Variants in R3HDM2 observed in about 807,000 individuals in gnomAD.
R3HDM2 encodes R3H domain-containing protein 2.
R3HDM2 carries 38 observed loss-of-function variants against 124.5 expected under a neutral mutation model. That is an observed-to-expected ratio of 0.31 (90% CI 0.24 to 0.40). The LOEUF (loss-of-function observed/expected upper bound fraction) is 0.40. Ranked by LOEUF, R3HDM2 falls within the 10% of genes least tolerant of loss-of-function variation. The probability of loss-of-function intolerance (pLI) is 1.00; values close to 1 mark genes in which losing one functional copy is unlikely to be tolerated. For missense variants in R3HDM2, 869 were observed against 1,236.9 expected (o/e 0.70, Z 4.46); for synonymous variants, 391 against 448.0 (o/e 0.87, Z 1.61).
chr12:57,343,144 T>C (rs899956212), intron 2 of R3HDM2, among the ~76,000 whole-genome samples: 3 of 151,268 alleles, frequency 2.0e-5, no homozygotes, highest in Non-Finnish European at 4.4e-5. Context: ...AAAGTATACA[T>C]GGCTCTGGAA....
At position 57,430,894 on chromosome 12, in the gene R3HDM2, G is replaced by C. The variant is rs1186781938; in HGVS notation, c.-280C>G. On this transcript the variant is annotated 5_prime_UTR_variant, in exon 1 of 24. Transcript: ENST00000402412. ...CTGGGAAGCAGGGGGGACTGGGACG[G>C]GGGAGGGGAAAGGGGCTTGGGAAGG... 1 of 148,824 alleles carries C rather than the reference G, an allele frequency of 6.7e-6. No homozygotes were observed. Among genetic ancestry groups the C allele is most frequent in the East Asian group, 2.0e-4 (1 of 4,990 alleles). 9.2% of individuals were successfully genotyped at this position (148,824 alleles called of 1,614,324 possible).
intron 3 of R3HDM2, among the ~76,000 whole-genome samples, chr12:57,306,043 G>T (rs1356908584): frequency 3.3e-5 from 5 of 152,214 alleles, no homozygotes; most frequent in African/African-American, 4.8e-5. Context: ...ATGTTGGTAG[G>T]GGTAGGAGTT....
At chr12:57,301,626 G>A (rs1413204964) in intron 4 of R3HDM2, among the ~76,000 whole-genome samples, 16 of 152,254 alleles carry the variant, frequency 1.1e-4, no homozygotes, top group Admixed American at 6.5e-5. Context: ...CCTTTGTTTT[G>A]AACTTTAACA....
intron 2 of R3HDM2, among the ~76,000 whole-genome samples, chr12:57,385,320 C>G (rs1225289107): frequency 6.7e-6 from 1 of 148,344 alleles, no homozygotes; most frequent in Non-Finnish European, 1.5e-5. Flanking sequence ...TGGCTCACTG[C>G]AAGCTCTACC....
intron 2 of R3HDM2, among the ~76,000 whole-genome samples, chr12:57,321,083 A>G (rs941452198): frequency 5.9e-5 from 9 of 152,190 alleles, no homozygotes; most frequent in Admixed American, 5.9e-4. Context: ...TAATAATAAA[A>G]AAGACTGAAC....
intron 2 of R3HDM2, among the ~76,000 whole-genome samples, chr12:57,392,095 G>A (rs2066776736): frequency 6.6e-6 from 1 of 152,174 alleles, no homozygotes; most frequent in Non-Finnish European, 1.5e-5. Context: ...CCTGGGAGGT[G>A]GAGGTTGCAG....
At chr12:57,430,489 G>GGCC in intron 1 of R3HDM2, 194 of 790,390 alleles carry the variant, frequency 2.5e-4, no homozygotes, top group Non-Finnish European at 2.7e-4. Flanking sequence ...CCACCCCCCT[G>GGCC]CCCCCGCACC....
At chr12:57,373,482 G>A (rs1433571641) in intron 2 of R3HDM2, among the ~76,000 whole-genome samples, 1 of 151,368 alleles carries the variant, frequency 6.6e-6, no homozygotes, top group African/African-American at 2.4e-5. Flanking sequence ...CTGGGTGACA[G>A]AGCAAGACTC....
intron 2 of R3HDM2, among the ~76,000 whole-genome samples, chr12:57,373,315 A>T (rs1395714804): frequency 1.3e-5 from 2 of 151,970 alleles, no homozygotes; most frequent in Non-Finnish European, 2.9e-5. Flanking sequence ...CCTGGCTAGC[A>T]TGGTGAAACC....
At chr12:57,272,479 C>T in intron 14 of R3HDM2, 2 of 1,550,632 alleles carry the variant, frequency 1.3e-6, no homozygotes, top group Non-Finnish European at 1.7e-6. Context: ...GGCGGAGAGA[C>T]TGGCAGAAGG....
At chr12:57,293,679 C>T (rs2049113043) in intron 10 of R3HDM2, among the ~76,000 whole-genome samples, 1 of 152,150 alleles carries the variant, frequency 6.6e-6, no homozygotes, top group Non-Finnish European at 1.5e-5. Context: ...ATGAATATCA[C>T]CAGATTATAA....
chr12:57,387,965 A>ATT (rs113022653), intron 2 of R3HDM2, among the ~76,000 whole-genome samples: 67 of 85,534 alleles, frequency 7.8e-4, no homozygotes, highest in East Asian at 1.2e-3. Context: ...AGACAAAAAA[A>ATT]ATTTTTTTTT....
chr12:57,392,286 T>C (rs566283085), intron 2 of R3HDM2, among the ~76,000 whole-genome samples: 1 of 152,334 alleles, frequency 6.6e-6, no homozygotes, highest in Non-Finnish European at 1.5e-5. Flanking sequence ...AGGACCAGTT[T>C]TGTTGAAGAC....
chr12:57,323,085 C>T (rs528783406), intron 2 of R3HDM2, among the ~76,000 whole-genome samples: 7 of 152,138 alleles, frequency 4.6e-5, no homozygotes, highest in Non-Finnish European at 1.0e-4. Flanking sequence ...ATAAAGATAT[C>T]AACACTCAGA....
chr12:57,422,246 T>C (rs929859343), intron 1 of R3HDM2, among the ~76,000 whole-genome samples: 1 of 151,812 alleles, frequency 6.6e-6, no homozygotes, highest in Non-Finnish European at 1.5e-5. Flanking sequence ...GTCTCCAAAT[T>C]GCTATAAGAG....
intron 2 of R3HDM2, among the ~76,000 whole-genome samples, chr12:57,327,360 G>A (rs901046755): frequency 2.0e-5 from 3 of 151,744 alleles, no homozygotes. Context: ...CCAGCTTCTC[G>A]GGAGGCTGAG....
chr12:57,300,236 T>A (rs2050820858), intron 4 of R3HDM2, 55 bp from the exon 5 acceptor site: 2 of 1,404,784 alleles, frequency 1.4e-6, no homozygotes, highest in African/African-American at 2.9e-5. Context: ...ATATATTTCT[T>A]CCCTCGGTGA....
chr12:57,311,141 T>C (rs1199093046), intron 2 of R3HDM2, among the ~76,000 whole-genome samples: 1 of 151,984 alleles, frequency 6.6e-6, no homozygotes, highest in Non-Finnish European at 1.5e-5. Context: ...CCCACAACAC[T>C]GTTAACCAAC....
At chr12:57,387,183 C>T (rs922964562) in intron 2 of R3HDM2, among the ~76,000 whole-genome samples, 4 of 152,078 alleles carry the variant, frequency 2.6e-5, no homozygotes, top group South Asian at 2.1e-4. Flanking sequence ...CAGTGGCAAC[C>T]GGCTGGGGTC....
Sources: allele counts gnomAD v4.1 joint callset (sites outside exome capture counted in the v4.1 genomes callset), GRCh38; gene constraint gnomAD v4.1.1; transcripts MANE v1.5; gene names NCBI Gene and HGNC (gene_info 2026-07-23, HGNC 2026-07-21).